GRIK2: variants seen among roughly 807,000 people sequenced by gnomAD.
The protein encoded by GRIK2 is glutamate ionotropic receptor kainate type subunit 2, also known as glutamate receptor ionotropic, kainate 2.
In GRIK2, 32 loss-of-function variants were observed where a neutral mutation model predicts 100.3. That is an observed-to-expected ratio of 0.32 (90% confidence interval 0.24 to 0.43). The LOEUF is 0.43. Among genes scored for constraint, GRIK2 ranks in the 20% least tolerant of loss-of-function variants. GRIK2 has a pLI of 1.00. For synonymous variants in GRIK2, 417 were observed against 389.4 expected, an observed-to-expected ratio of 1.07 and a Z score of -0.83; for missense variants, 843 against 1,114.9, an observed-to-expected ratio of 0.76 and a Z score of 3.47.
chr6:101,861,192 C>T (rs1455467965), intron 11 of GRIK2, among the ~76,000 whole-genome samples: 3 of 152,188 alleles, frequency 2.0e-5, no homozygotes, highest in Non-Finnish European at 2.9e-5. Flanking sequence ...TTTTCTAACA[C>T]AGCGTCTGAC....
chr6:101,479,789 T>C (rs1772433020), intron 2 of GRIK2, among the ~76,000 whole-genome samples: 1 of 152,222 alleles, frequency 6.6e-6, no homozygotes, highest in Non-Finnish European at 1.5e-5. Context: ...AATACTTCAC[T>C]CTTGCGAATT....
intron 2 of GRIK2, among the ~76,000 whole-genome samples, chr6:101,597,911 A>G (rs1360141249): frequency 6.6e-6 from 1 of 151,684 alleles, no homozygotes; most frequent in East Asian, 1.9e-4. Context: ...ACCTCTGGCT[A>G]TAGTTGCTTT....
intron 9 of GRIK2, among the ~76,000 whole-genome samples, chr6:101,816,037 A>C (rs1781610086): frequency 6.6e-6 from 1 of 152,170 alleles, no homozygotes; most frequent in African/African-American, 2.4e-5. Context: ...TTGAGTGAAC[A>C]TTTAGCTAAA....
chr6:101,531,755 C>T (rs567364685), intron 2 of GRIK2, among the ~76,000 whole-genome samples: 361 of 151,968 alleles, frequency 2.4e-3, no homozygotes, highest in Non-Finnish European at 4.0e-3. Flanking sequence ...GTTAATAGCA[C>T]CATTATCCAG....
intron 4 of GRIK2, among the ~76,000 whole-genome samples, chr6:101,635,452 T>A (rs552906134): frequency 6.6e-6 from 1 of 151,898 alleles, no homozygotes; most frequent in Admixed American, 6.6e-5. Context: ...TGGGCAAAGA[T>A]TTCATGACTA....
At chr6:101,502,396 C>T (rs761083390) in intron 2 of GRIK2, among the ~76,000 whole-genome samples, 38 of 151,790 alleles carry the variant, frequency 2.5e-4, no homozygotes, top group Non-Finnish European at 4.4e-5. Context: ...TTTAAATATC[C>T]ATCATTAGCG....
intron 2 of GRIK2, among the ~76,000 whole-genome samples, chr6:101,597,010 T>C (rs75737352): frequency 0.1 from 15,261 of 151,698 alleles, 820 homozygotes; most frequent in Admixed American, 0.15. Flanking sequence ...TAATGGTAGA[T>C]TGGATAAAGA....
At chr6:101,500,343 G>A (rs968892957) in intron 2 of GRIK2, among the ~76,000 whole-genome samples, 6 of 152,080 alleles carry the variant, frequency 3.9e-5, no homozygotes, top group Admixed American at 6.6e-5. Context: ...TCACAGATAT[G>A]TGGGATTTAT....
chr6:101,548,665 C>CT (rs1776365191), intron 2 of GRIK2, among the ~76,000 whole-genome samples: 1 of 151,982 alleles, frequency 6.6e-6, no homozygotes, highest in Admixed American at 6.6e-5. Context: ...GCTGCAGTTT[C>CT]TTTTATCATC....
At chr6:101,683,730 C>T (rs1361024424) in intron 6 of GRIK2, among the ~76,000 whole-genome samples, 2 of 152,150 alleles carry the variant, frequency 1.3e-5, no homozygotes, top group Admixed American at 6.5e-5. Flanking sequence ...TTACTGTATA[C>T]TGTAAAACAC....
chr6:101,416,374 T>C (rs1174621275), intron 2 of GRIK2, among the ~76,000 whole-genome samples: 3 of 152,176 alleles, frequency 2.0e-5, no homozygotes, highest in African/African-American at 7.2e-5. Context: ...CTCTCCCTGC[T>C]TGCTTCCTGG....
chr6:101,984,151 C>CA (rs1391453461), intron 14 of GRIK2, among the ~76,000 whole-genome samples: 1 of 151,478 alleles, frequency 6.6e-6, no homozygotes, highest in Non-Finnish European at 1.5e-5. Context: ...TAAAAATTCT[C>CA]AAAATATTAA....
chr6:101,659,204 G>A (rs192100537), intron 4 of GRIK2, among the ~76,000 whole-genome samples: 53 of 152,260 alleles, frequency 3.5e-4, no homozygotes, highest in African/African-American at 1.3e-3. Context: ...GAATAAGGAA[G>A]GGATCCAGAT....
intron 2 of GRIK2, among the ~76,000 whole-genome samples, chr6:101,549,829 A>T (rs1776421978): frequency 6.6e-6 from 1 of 152,158 alleles, no homozygotes; most frequent in African/African-American, 2.4e-5. Flanking sequence ...TAATTCTCAC[A>T]ACAATCCAGT....
chr6:101,532,075 T>C (rs1775468968), intron 2 of GRIK2, among the ~76,000 whole-genome samples: 1 of 151,992 alleles, frequency 6.6e-6, no homozygotes, highest in Non-Finnish European at 1.5e-5. Context: ...ATTTCTCAGG[T>C]TACAAATCAT....
intron 7 of GRIK2, among the ~76,000 whole-genome samples, chr6:101,767,582 A>AT (rs1583107915): frequency 6.6e-6 from 1 of 152,124 alleles, no homozygotes; most frequent in South Asian, 2.1e-4. Context: ...ATATTCTTAG[A>AT]TTTTTTTAAA....
intron 7 of GRIK2, among the ~76,000 whole-genome samples, chr6:101,776,488 T>G (rs1008808928): frequency 6.6e-6 from 1 of 152,124 alleles, no homozygotes; most frequent in Non-Finnish European, 1.5e-5. Context: ...TTTCTAGTAA[T>G]ATGAATGTTA....
At chr6:101,996,990 G>A (rs926913835) in intron 14 of GRIK2, among the ~76,000 whole-genome samples, 1 of 152,024 alleles carries the variant, frequency 6.6e-6, no homozygotes, top group African/African-American at 2.4e-5. Flanking sequence ...GATAACATCT[G>A]TTATTTGAGT....
chr6:101,586,892 C>CAA (rs1199378638), intron 2 of GRIK2, among the ~76,000 whole-genome samples: 822 of 53,860 alleles, frequency 0.015, 11 homozygotes, highest in East Asian at 0.025. Flanking sequence ...TCTGTCTTAA[C>CAA]AAAAAAAAAA....
Sources: gnomAD v4.1 joint callset for allele counts (sites outside exome capture counted in the v4.1 genomes callset) on GRCh38, gnomAD v4.1.1 for gene constraint, MANE v1.5 for transcripts, NCBI Gene and HGNC (gene_info 2026-07-23, HGNC 2026-07-21) for gene names.